The following RXRG variants were observed in gnomAD, a reference collection of about 807,000 sequenced individuals.
The protein encoded by RXRG is retinoid X receptor gamma.
Under a neutral mutation model 49.2 loss-of-function variants are expected in RXRG, and 19 were observed. That is an observed-to-expected ratio of 0.39 (90% CI 0.27 to 0.57). RXRG has a LOEUF of 0.57. Among genes scored for constraint, RXRG ranks in the 20% least tolerant of loss-of-function variants. The pLI is 0.64. For synonymous variants in RXRG, 224 were observed against 216.6 expected (o/e 1.03, Z -0.30); for missense variants, 452 against 592.5 (o/e 0.76, Z 2.46).
chr1:165,409,765 T>C lies in RXRG; in HGVS notation c.914-75A>G, dbSNP rs539435205. The C allele has an allele frequency of 8.2e-5, 106 of 1,291,610 alleles. 1 individual carries two copies. In the South Asian group the frequency reaches 2.4e-3, roughly 29 times the overall value. The allele number at this position is 1,291,610 out of a possible 1,614,324, so 80.0% of individuals were successfully genotyped here. On this transcript the variant is annotated intron_variant, in intron 6 of 9. Transcript: ENST00000359842. Reference sequence around the variant, plus strand: ...TTTACTTATAATCACCCAAGGCATGTACTATTATCCCACATAACACAAGCA... The same window carrying C: ...TTTACTTATAATCACCCAAGGCATGCACTATTATCCCACATAACACAAGCA...
intron 4 of RXRG, among the ~76,000 whole-genome samples, chr1:165,415,336 C>T (rs935737465): frequency 6.6e-6 from 1 of 152,190 alleles, no homozygotes; most frequent in Non-Finnish European, 1.5e-5. Context: ...AGACTATGTA[C>T]AACCTTAAGT....
chr1:165,403,217 C>T (rs964968509), intron 9 of RXRG, among the ~76,000 whole-genome samples: 2 of 152,200 alleles, frequency 1.3e-5, no homozygotes, highest in Admixed American at 1.3e-4. Flanking sequence ...ACCCTCTGTG[C>T]ACAGTGCAAT....
chr1:165,416,344 G>A (rs1228240137), intron 4 of RXRG, among the ~76,000 whole-genome samples: 10 of 152,088 alleles, frequency 6.6e-5, no homozygotes, highest in African/African-American at 2.4e-4. Context: ...GGGACAGAAA[G>A]CACCTTCTGA....
chr1:165,424,909 G>A lies in RXRG; in HGVS notation c.297+3810C>T, dbSNP rs185876229. ...AAGGCCTTTTTTCCAGTGTCATCTC[G>A]TTAACCGAGCAAAGCATTGCTGCAG... On this transcript the variant is annotated intron_variant, in intron 2 of 9. Coordinates refer to ENST00000359842, the MANE Select transcript of RXRG (RefSeq NM_006917.5). 646 of 985,518 alleles carry A rather than the reference G, an allele frequency of 6.6e-4. 4 individuals are homozygous for A. The African/African-American group carries it at 0.01, about 16-fold the overall frequency. 61.0% of individuals were successfully genotyped at this position (985,518 alleles called of 1,614,324 possible).
In RXRG at chr1:165,401,084, A is replaced by G. The variant is rs1406760880; in HGVS notation, c.*179T>C. 1.7e-6 allele frequency: 1 copy of G among 600,356 alleles called. No individual in the cohort carries two copies. Among genetic ancestry groups the G allele is most frequent in the Admixed American group, 3.1e-5 (1 of 31,936 alleles). 37.2% of individuals were successfully genotyped at this position (600,356 alleles called of 1,614,324 possible). On this transcript the variant is annotated 3_prime_UTR_variant, in exon 10 of 10. Coordinates refer to ENST00000359842, the MANE Select transcript of RXRG (RefSeq NM_006917.5). ...GACAGCAAAGCGTATTACCTTTAAC[A>G]TCTATACAAAAGTCCACCTATAAAA...
intron 4 of RXRG, among the ~76,000 whole-genome samples, chr1:165,413,664 C>A (rs1658026922): frequency 6.6e-6 from 1 of 152,196 alleles, no homozygotes. Flanking sequence ...AGTCTTGAAA[C>A]TACATGTATA....
In RXRG at chr1:165,409,618, G is replaced by A. The variant is rs747060865; in HGVS notation, c.986C>T (p.Thr329Met). ...ACTGCTCCGGTGGACATGTAAACCC[G>A]TGGCCAGAAGGATGCCATCCTGCAC... ...VSVQDGILLA[T>M]GLHVHRSSAH... The change falls in exon 7 of 10, where the codon ACG (threonine) becomes ATG (methionine). Residue 329 changes from threonine (T) to methionine (M), a missense_variant. By Grantham distance (81) the Thr-to-Met change is moderately conservative. Coordinates refer to ENST00000359842, the MANE Select transcript of RXRG (RefSeq NM_006917.5). 7 of 1,580,816 alleles carry A rather than the reference G, an allele frequency of 4.4e-6. No homozygotes were observed. Among genetic ancestry groups the A allele is most frequent in the Admixed American group, 3.6e-5 (2 of 55,460 alleles).
chr1:165,401,708 A>C (rs1160274463), intron 9 of RXRG, among the ~76,000 whole-genome samples: 1 of 152,182 alleles, frequency 6.6e-6, no homozygotes, highest in Non-Finnish European at 1.5e-5. Flanking sequence ...GAAGAACTAG[A>C]TGACTGTGTC....
chr1:165,431,034 A>G (rs1043400427), intron 1 of RXRG, among the ~76,000 whole-genome samples: 5 of 152,056 alleles, frequency 3.3e-5, no homozygotes, highest in African/African-American at 1.2e-4. Flanking sequence ...ATACTGTATC[A>G]CTATATTTGT....
intron 2 of RXRG, chr1:165,424,639 C>CA (rs1658424370): frequency 3.1e-6 from 1 of 322,058 alleles, no homozygotes; most frequent in African/African-American, 2.2e-5. Flanking sequence ...CCAACAACTG[C>CA]AAAAAGAGAA....
At chr1:165,414,739 A>G (rs982664436) in intron 4 of RXRG, among the ~76,000 whole-genome samples, 1 of 152,182 alleles carries the variant, frequency 6.6e-6, no homozygotes, top group Non-Finnish European at 1.5e-5. Flanking sequence ...TGGAAAAAAG[A>G]TGTTCTTCAC....
intron 4 of RXRG, among the ~76,000 whole-genome samples, chr1:165,413,405 T>C (rs1421008394): frequency 6.6e-6 from 1 of 152,182 alleles, no homozygotes. Context: ...ATAGATTACA[T>C]TTCATTTAAT....
chr1:165,401,831 C>T (rs79746947), intron 9 of RXRG, among the ~76,000 whole-genome samples: 4,332 of 152,344 alleles, frequency 0.028, 105 homozygotes, highest in East Asian at 0.072. Context: ...GTGCTCAACC[C>T]ATGGTAGCTG....
chr1:165,416,081 G>T (rs1044260675), intron 4 of RXRG, among the ~76,000 whole-genome samples: 1 of 152,158 alleles, frequency 6.6e-6, no homozygotes, highest in African/African-American at 2.4e-5. Flanking sequence ...GGGACACAAA[G>T]AGCCCCTCTT....
At position 165,428,736 on chromosome 1, in the gene RXRG, C is replaced by T. The variant is rs995448667; in HGVS notation, c.280G>A (p.Ala94Thr). The part of the protein sequence containing the change: ...LAAPPGINLV[A>T]PPSSQLNVVN... Reference sequence around the variant, plus strand: ...ACACTTACCTGAGAGCTGGGTGGGGCAACCAAGTTGATTCCTGGAGGCGCT... The same window carrying T: ...ACACTTACCTGAGAGCTGGGTGGGGTAACCAAGTTGATTCCTGGAGGCGCT... The change falls in exon 2 of 10, where the codon GCC (alanine) becomes ACC (threonine). Residue 94 changes from alanine to threonine, a missense_variant. Physicochemically the swap from Ala to Thr is moderately conservative, Grantham distance 58. Transcript: ENST00000359842. The T allele has an allele frequency of 6.3e-7, 1 of 1,599,076 alleles. No individual in the cohort carries two copies.
chr1:165,413,308 C>T (rs1215979212), intron 4 of RXRG, among the ~76,000 whole-genome samples: 5 of 152,162 alleles, frequency 3.3e-5, no homozygotes, highest in Non-Finnish European at 5.9e-5. Flanking sequence ...AACCATTCAT[C>T]CAACACGTGT....
intron 3 of RXRG, among the ~76,000 whole-genome samples, chr1:165,417,892 C>A (rs977685233): frequency 6.6e-6 from 1 of 152,016 alleles, no homozygotes; most frequent in African/African-American, 2.4e-5. Context: ...CACTTGAGGT[C>A]AGGAGCTTTT....
At chr1:165,441,257 T>G (rs1658975280) in intron 1 of RXRG, among the ~76,000 whole-genome samples, 1 of 152,234 alleles carries the variant, frequency 6.6e-6, no homozygotes, top group South Asian at 2.1e-4. Context: ...TCCCATGGCT[T>G]ATTCCTCAAT....
chr1:165,410,809 A>T lies in RXRG; in HGVS notation c.806T>A (p.Ile269Lys). ...ENSTNDPVTN[I>K]CHAADKQLFT... Reference sequence around the variant, plus strand: ...AAGCTGCTTGTCAGCAGCATGACATATGTTGGTAACAGGGTCATTTGTCTG... The same window carrying T: ...AAGCTGCTTGTCAGCAGCATGACATTTGTTGGTAACAGGGTCATTTGTCTG... Residue 269 changes from isoleucine (I) to lysine (K), a missense_variant, in exon 6 of 10, where the codon ATA (isoleucine) becomes AAA (lysine). By Grantham distance (102) the Ile-to-Lys change is moderately radical. Around this residue, in one of 2 missense-constraint regions of RXRG, gnomAD observed 286 missense variants for 440.9 expected, o/e 0.65. Transcript: ENST00000359842. 6.2e-7 allele frequency: 1 copy of T among 1,614,190 alleles called. No homozygotes were observed. The highest frequency in any genetic ancestry group is 8.5e-7 in the Non-Finnish European group (1 of 1,180,030).
Sources: allele counts gnomAD v4.1 joint callset (sites outside exome capture counted in the v4.1 genomes callset), GRCh38; gene constraint gnomAD v4.1.1; regional missense constraint gnomAD v4.1.1; transcripts MANE v1.5; gene names NCBI Gene and HGNC (gene_info 2026-07-23, HGNC 2026-07-21).